Variants in MYT1L observed in about 807,000 individuals in gnomAD.
MYT1L encodes myelin transcription factor 1 like, also known as myelin transcription factor 1-like protein.
A neutral mutation model predicts 126.7 loss-of-function variants in MYT1L; 12 were observed. The observed-to-expected ratio is 0.09, with a 90% CI of 0.06 to 0.15. The LOEUF (loss-of-function observed/expected upper bound fraction) is 0.15. Ranked by LOEUF, MYT1L falls within the 10% of genes least tolerant of loss-of-function variation. The pLI is 1.00. For synonymous variants in MYT1L, 541 were observed against 604.2 expected (o/e 0.90, Z 1.53); for missense variants, 979 against 1,585.2 (o/e 0.62, Z 6.49).
rs776156420 is a variant in MYT1L at position 1,806,371 on chromosome 2, C to A, written c.3172+2705G>T. 2.0e-5 allele frequency among the ~76,000 whole-genome samples: 3 copies of A among 152,144 alleles called. No homozygotes were observed. Among genetic ancestry groups the A allele is most frequent in the Non-Finnish European group, 2.9e-5 (2 of 68,040 alleles). On this transcript the variant is annotated intron_variant, in intron 22 of 24. Transcript: ENST00000647738. The surrounding 1 kb of genome is among the most constrained non-coding windows in gnomAD (Gnocchi z 4.9). ...GTTTGTCCTAAAACTTAGCACAACA[C>A]GAACTGTGTGTCTAGAAACTTGGGT...
chr2:2,191,450 C>A (rs947800744), intron 2 of MYT1L, among the ~76,000 whole-genome samples: 1 of 152,174 alleles, frequency 6.6e-6, no homozygotes, highest in African/African-American at 2.4e-5. Flanking sequence ...AAATCTGACT[C>A]GGAGTAAACA....
intron 21 of MYT1L, among the ~76,000 whole-genome samples, chr2:1,813,184 G>GGA (rs2036972885): frequency 6.6e-6 from 1 of 152,198 alleles, no homozygotes; most frequent in Non-Finnish European, 1.5e-5. Flanking sequence ...CAGGTGGGGG[G>GGA]GAGAGAGGGA....
intron 2 of MYT1L, among the ~76,000 whole-genome samples, chr2:2,242,358 G>T (rs368488935): frequency 6.6e-6 from 1 of 152,162 alleles, no homozygotes; most frequent in Non-Finnish European, 1.5e-5. Context: ...TTAACAACAC[G>T]TAAAGCGCAT....
chr2:2,301,130 A>G (rs1392732814), intron 1 of MYT1L, among the ~76,000 whole-genome samples: 2 of 152,154 alleles, frequency 1.3e-5, no homozygotes, highest in African/African-American at 4.8e-5. Flanking sequence ...AGTGTTCTGT[A>G]AACCCAGACC....
At chr2:2,323,183 TA>T (rs1228223290) in intron 1 of MYT1L, among the ~76,000 whole-genome samples, 1 of 152,178 alleles carries the variant, frequency 6.6e-6, no homozygotes, top group Non-Finnish European at 1.5e-5. Flanking sequence ...TTAGATTCAT[TA>T]AAGGTGGTTT....
At position 1,852,789 on chromosome 2, in the gene MYT1L, C is replaced by T. The variant is rs1266366688; in HGVS notation, c.2712-1086G>A. Among the ~76,000 whole-genome samples, 1 of 152,222 alleles carries T rather than the reference C, an allele frequency of 6.6e-6. No homozygotes were observed. The highest frequency in any genetic ancestry group is 1.5e-5 in the Non-Finnish European group (1 of 68,050). On this transcript the variant is annotated intron_variant, in intron 18 of 24. Coordinates refer to ENST00000647738, the MANE Select transcript of MYT1L (RefSeq NM_001303052.2). This position sits in a 1 kb window ranked among gnomAD's most constrained non-coding sequence, Gnocchi z 4.0. ...CATCAAAGCATACTCCATGCCCCTTCCCACCTCAGTGAGTACCCGAATTCT... is the reference window on the plus strand; with the variant it reads ...CATCAAAGCATACTCCATGCCCCTTTCCACCTCAGTGAGTACCCGAATTCT...
chr2:2,213,269 T>C (rs2148919736), intron 2 of MYT1L, among the ~76,000 whole-genome samples: 1 of 152,248 alleles, frequency 6.6e-6, no homozygotes, highest in Non-Finnish European at 1.5e-5. Flanking sequence ...CTGGAATGTG[T>C]TGCCAGGAGG....
chr2:2,169,489 AAGG>A (rs1190225027), intron 3 of MYT1L, among the ~76,000 whole-genome samples: 1 of 152,184 alleles, frequency 6.6e-6, no homozygotes, highest in African/African-American at 2.4e-5. Flanking sequence ...AGGCAAACAT[AAGG>A]AGGCTTTAAA....
intron 23 of MYT1L, among the ~76,000 whole-genome samples, chr2:1,795,113 C>A (rs1410335470): frequency 6.6e-6 from 1 of 152,232 alleles, no homozygotes; most frequent in Non-Finnish European, 1.5e-5. Flanking sequence ...CTTCCCTGAG[C>A]CTTCCTCCAG....
At chr2:2,199,240 CA>C (rs563047256) in intron 2 of MYT1L, among the ~76,000 whole-genome samples, 178 of 152,310 alleles carry the variant, frequency 1.2e-3, no homozygotes, top group African/African-American at 4.0e-3. Context: ...CTTTGAAAAA[CA>C]AACATTCTTT....
chr2:1,892,961 A>G (rs974763570), intron 14 of MYT1L, among the ~76,000 whole-genome samples: 9 of 152,186 alleles, frequency 5.9e-5, no homozygotes, highest in African/African-American at 9.7e-5. Flanking sequence ...GGAAATGCAC[A>G]TAGAGAATAA....
Position 1,848,621 on chromosome 2 carries a change from A to G in MYT1L, c.2774+3020T>C, listed in dbSNP as rs1170731134. On this transcript the variant is annotated intron_variant, in intron 19 of 24. Coordinates refer to ENST00000647738, the MANE Select transcript of MYT1L (RefSeq NM_001303052.2). The surrounding 1 kb of genome is among the most constrained non-coding windows in gnomAD (Gnocchi z 4.8). ...GGGAAACAGACAATAGAAGATTAAC[A>G]TGAAAAGAAGTTCCTCCTACTTGCA... Among the ~76,000 whole-genome samples, 1 of 152,220 alleles carries G rather than the reference A, an allele frequency of 6.6e-6. No homozygotes were observed. Among genetic ancestry groups the G allele is most frequent in the African/African-American group, 2.4e-5 (1 of 41,454 alleles).
intron 21 of MYT1L, among the ~76,000 whole-genome samples, chr2:1,831,809 ACG>A (rs1378653576): frequency 2.6e-5 from 4 of 151,804 alleles, no homozygotes; most frequent in Admixed American, 6.6e-5. Flanking sequence ...CTGTCACAAA[ACG>A]TGTGTGTCTC....
intron 19 of MYT1L, among the ~76,000 whole-genome samples, chr2:1,849,245 G>C (rs1375112732): frequency 1.3e-5 from 2 of 152,036 alleles, no homozygotes; most frequent in African/African-American, 4.8e-5. Context: ...ACGCCATGCC[G>C]GAAGCTCTGG....
chr2:1,985,007 C>G (rs1032001261), intron 5 of MYT1L, among the ~76,000 whole-genome samples: 1 of 152,124 alleles, frequency 6.6e-6, no homozygotes, highest in Non-Finnish European at 1.5e-5. Context: ...GACCTGCTCT[C>G]CCCTCCCCGA....
chr2:1,922,454 C>T lies in MYT1L; in HGVS notation c.1315G>A (p.Ala439Thr), dbSNP rs1191064463. Residue 439 changes from alanine (A) to threonine (T), a missense_variant, in exon 10 of 25, where the codon GCT becomes ACT. Ala to Thr is a moderately conservative substitution (Grantham distance 58). This residue lies in a region of MYT1L where 1 missense variants were observed against 16.3 expected (regional missense o/e 0.06). Transcript: ENST00000647738. This position sits in a 1 kb window ranked among gnomAD's most constrained non-coding sequence, Gnocchi z 7.4. ...GNLTLLEKAI[A>T]LETERAKAMR... ...GCCTTTGCTCTTTCCGTTTCCAAAG[C>T]GATGGCTTTCTCCAGCAGGGTCAGG... 21 of 1,613,960 alleles carry T rather than the reference C, an allele frequency of 1.3e-5. No individual in the cohort carries two copies. The highest frequency in any genetic ancestry group is 1.7e-5 in the Non-Finnish European group (20 of 1,179,896).
At position 2,009,460 on chromosome 2, in the gene MYT1L, T is replaced by A. The variant is rs527510171; in HGVS notation, c.-157-12113A>T. Among the ~76,000 whole-genome samples the A allele has an allele frequency of 3.3e-5, 5 of 152,350 alleles. No homozygotes were observed. In the East Asian group the frequency reaches 9.6e-4, roughly 29 times the overall value. The stretch of plus-strand genomic sequence containing the variant: ...TGTTCCAAAATATCTTTTTTGATGC[T>A]ATCATAAATGGGATTGTTTTACTGA... On this transcript the variant is annotated intron_variant, in intron 4 of 24. Transcript: ENST00000647738.
intron 14 of MYT1L, among the ~76,000 whole-genome samples, chr2:1,894,427 C>T (rs768613356): frequency 3.3e-5 from 5 of 152,180 alleles, no homozygotes; most frequent in East Asian, 3.9e-4. Flanking sequence ...CCTAAGCAAC[C>T]GTCACAAACC....
chr2:2,319,301 T>C (rs1393765479), intron 1 of MYT1L: 1 of 152,152 alleles, frequency 6.6e-6, no homozygotes, highest in Non-Finnish European at 1.5e-5. Flanking sequence ...TATCAACAGC[T>C]CAGAAACTGC....
Sources: gnomAD v4.1 joint callset for allele counts (sites outside exome capture counted in the v4.1 genomes callset) on GRCh38, gnomAD v4.1.1 for gene constraint, gnomAD v4.1.1 regional missense constraint, Gnocchi (gnomAD v3.1) non-coding constraint, MANE v1.5 for transcripts, NCBI Gene and HGNC (gene_info 2026-07-23, HGNC 2026-07-21) for gene names.